The following AVEN variants were observed in gnomAD, a reference collection of about 807,000 sequenced individuals.
AVEN encodes cell death regulator Aven.
Under a neutral mutation model 38.1 loss-of-function variants are expected in AVEN, and 41 were observed. The ratio of observed to expected loss-of-function variants is 1.08; its 90% confidence interval spans 0.84 to 1.40. The LOEUF (loss-of-function observed/expected upper bound fraction) is 1.40, where lower values mean the gene tolerates loss of function less well. Among genes scored for constraint, AVEN ranks in the 40% most tolerant of loss-of-function variants. The probability of loss-of-function intolerance (pLI) is 0.00; values close to 1 mark genes in which losing one functional copy is unlikely to be tolerated. For synonymous variants in AVEN, 206 were observed against 171.8 expected (o/e 1.20, Z -1.56); for missense variants, 605 against 438.8 (o/e 1.38, Z -3.38).
intron 2 of AVEN, among the ~76,000 whole-genome samples, chr15:33,947,156 G>C (rs915902651): frequency 6.6e-6 from 1 of 152,088 alleles, no homozygotes; most frequent in Non-Finnish European, 1.5e-5. Flanking sequence ...AAAGTCAAGC[G>C]CAAGACTCCA....
Position 34,063,508 on chromosome 15 carries a change from G to A in AVEN, n.1127-76C>T, listed in dbSNP as rs777128975. On this transcript the variant is annotated intron_variant and non_coding_transcript_variant, in intron 4 of 11. Coordinates refer to the AVEN transcript ENST00000675287. This position sits in a 1 kb window ranked among gnomAD's most constrained non-coding sequence, Gnocchi z 4.1. ...TGTCCTCGACCCACCCTGGCCCAGCGGGAAAGGAACCAGGCCTCCTGGTCA... is the reference window on the plus strand; with the variant it reads ...TGTCCTCGACCCACCCTGGCCCAGCAGGAAAGGAACCAGGCCTCCTGGTCA... 9 of 1,613,628 alleles carry A rather than the reference G, an allele frequency of 5.6e-6. No homozygotes were observed. Among genetic ancestry groups the A allele is most frequent in the Non-Finnish European group, 4.2e-6 (5 of 1,180,046 alleles).
intron 2 of AVEN, among the ~76,000 whole-genome samples, chr15:33,959,414 A>T (rs556425801): frequency 2.0e-5 from 3 of 152,254 alleles, no homozygotes; most frequent in Admixed American, 1.3e-4. Flanking sequence ...CAGATTCCTC[A>T]GCAGGAAGTC....
chr15:33,881,494 C>T (rs994729900), intron 2 of AVEN, among the ~76,000 whole-genome samples: 1 of 152,310 alleles, frequency 6.6e-6, no homozygotes, highest in African/African-American at 2.4e-5. Context: ...TGAGGCTCAA[C>T]TGATCTTCCT....
At position 33,866,525 on chromosome 15, in the gene AVEN, T is replaced by TAAACTGGCTGG. The variant is rs879834391; in HGVS notation, c.*77_*87dup. Reference sequence around the variant, plus strand: ...AACACACTAGCTTGAGACATGCTTGTAAACTGGCTGGTCCTGAAGGACAGC... The same window carrying TAAACTGGCTGG: ...AACACACTAGCTTGAGACATGCTTGTAAACTGGCTGGAAACTGGCTGGTCCTGAAGGACAGC... On this transcript the variant is annotated 3_prime_UTR_variant, in exon 6 of 6. Transcript: ENST00000306730. The TAAACTGGCTGG allele has an allele frequency of 7.5e-6, 7 of 928,190 alleles. No homozygotes were observed. Among genetic ancestry groups the TAAACTGGCTGG allele is most frequent in the Non-Finnish European group, 1.2e-5 (7 of 584,596 alleles). The allele number at this position is 928,190 out of a possible 1,614,324, so 57.5% of individuals were successfully genotyped here.
intron 1 of AVEN, among the ~76,000 whole-genome samples, chr15:34,023,675 G>A (rs570314349): frequency 2.6e-5 from 4 of 152,170 alleles, no homozygotes; most frequent in Non-Finnish European, 2.9e-5. Flanking sequence ...TACTCTGTAA[G>A]CCTCTGTTGC....
intron 1 of AVEN, among the ~76,000 whole-genome samples, chr15:34,012,364 T>C (rs1390196071): frequency 6.6e-6 from 1 of 152,240 alleles, no homozygotes; most frequent in African/African-American, 2.4e-5. Context: ...AGGTCATCTG[T>C]ATAAAAAATA....
intron 1 of AVEN, among the ~76,000 whole-genome samples, chr15:34,023,091 G>A (rs1201889843): frequency 6.6e-6 from 1 of 152,170 alleles, no homozygotes; most frequent in Non-Finnish European, 1.5e-5. Context: ...GGAGGCTGAG[G>A]CAGAACTGCT....
chr15:33,858,314 T>C (rs149447754), downstream of AVEN: 1,192 of 178,430 alleles, frequency 6.7e-3, 14 homozygotes, highest in African/African-American at 0.026. Context: ...AAGTGATTCT[T>C]CTGCCTCAGC....
At chr15:34,027,813 T>A in intron 1 of AVEN, among the ~76,000 whole-genome samples, 1 of 118,836 alleles carries the variant, frequency 8.4e-6, no homozygotes, top group African/African-American at 3.1e-5. Flanking sequence ...GAGGCAAGGA[T>A]CAGGTGAGGC....
intron 2 of AVEN, among the ~76,000 whole-genome samples, chr15:33,963,280 G>A (rs965048228): frequency 6.6e-6 from 1 of 152,198 alleles, no homozygotes; most frequent in Non-Finnish European, 1.5e-5. Context: ...CTGTTTCTAT[G>A]AGATACCTGT....
At chr15:34,017,743 G>A (rs576420204) in intron 1 of AVEN, among the ~76,000 whole-genome samples, 1 of 152,242 alleles carries the variant, frequency 6.6e-6, no homozygotes, top group East Asian at 1.9e-4. Flanking sequence ...GCCTCCCAAA[G>A]TGCTGGGATT....
intron 1 of AVEN, among the ~76,000 whole-genome samples, chr15:34,015,871 G>A (rs771041115): frequency 1.8e-4 from 28 of 152,282 alleles, no homozygotes; most frequent in Admixed American, 3.9e-4. Context: ...ATTACCATTC[G>A]TTAGCAGAAT....
intron 1 of AVEN, among the ~76,000 whole-genome samples, chr15:34,016,185 G>C (rs1882764138): frequency 6.6e-6 from 1 of 152,298 alleles, no homozygotes; most frequent in African/African-American, 2.4e-5. Context: ...AGTGAGCCAA[G>C]ATCGTGCCAT....
intron 1 of AVEN, among the ~76,000 whole-genome samples, chr15:34,023,447 T>A (rs995130291): frequency 6.6e-6 from 1 of 152,186 alleles, no homozygotes; most frequent in Non-Finnish European, 1.5e-5. Context: ...TGATAGCCGA[T>A]ACACACCAGA....
At chr15:33,987,370 G>C (rs1445640593) in intron 2 of AVEN, among the ~76,000 whole-genome samples, 2 of 152,204 alleles carry the variant, frequency 1.3e-5, no homozygotes, top group Non-Finnish European at 2.9e-5. Flanking sequence ...AAGGGGAAGG[G>C]AAAGGGAAAG....
chr15:33,952,681 T>G (rs906882864), intron 2 of AVEN, among the ~76,000 whole-genome samples: 1 of 152,136 alleles, frequency 6.6e-6, no homozygotes, highest in Non-Finnish European at 1.5e-5. Flanking sequence ...TCTGAGATTG[T>G]TGAACTAGAT....
In AVEN at chr15:34,039,113, GGAAGCGGGC is replaced by G. The variant is rs1899335936; in HGVS notation, c.-76_-68del. 9.5e-7 allele frequency: 1 copy of G among 1,055,604 alleles called. No individual in the cohort carries two copies. The highest frequency in any genetic ancestry group is 1.1e-6 in the Non-Finnish European group (1 of 875,850). 65.4% of individuals were successfully genotyped at this position (1,055,604 alleles called of 1,614,324 possible). On this transcript the variant is annotated 5_prime_UTR_variant, in exon 1 of 6. Transcript: ENST00000306730. The stretch of plus-strand genomic sequence containing the variant: ...GCGGCGGAGACGCCCTGGCCCCACC[GGAAGCGGGC>G]CGCACGGAGGAGCCGCGAGCGAAAG...
intron 2 of AVEN, among the ~76,000 whole-genome samples, chr15:33,934,231 C>T (rs958797596): frequency 6.6e-6 from 1 of 150,884 alleles, no homozygotes; most frequent in Non-Finnish European, 1.5e-5. Context: ...AAAAATTAGC[C>T]ATATCCATAG....
intron 2 of AVEN, among the ~76,000 whole-genome samples, chr15:33,919,529 A>G (rs1893306239): frequency 6.6e-6 from 1 of 152,204 alleles, no homozygotes; most frequent in South Asian, 2.1e-4. Context: ...GTCAATATCT[A>G]TAATTTTATC....
Sources: allele counts gnomAD v4.1 joint callset (sites outside exome capture counted in the v4.1 genomes callset), GRCh38; gene constraint gnomAD v4.1.1; non-coding constraint Gnocchi (gnomAD v3.1); transcripts MANE v1.5; gene names NCBI Gene and HGNC (gene_info 2026-07-23, HGNC 2026-07-21).